The following ITPR2 variants were observed in gnomAD, a reference collection of about 807,000 sequenced individuals.
The protein encoded by ITPR2 is inositol 1,4,5-trisphosphate receptor type 2, also known as inositol 1,4,5-trisphosphate-gated calcium channel ITPR2.
In ITPR2, 207 loss-of-function variants were observed where a neutral mutation model predicts 317.1. That is an observed-to-expected ratio of 0.65 (90% CI 0.58 to 0.73). ITPR2 has a LOEUF of 0.73. Among genes scored for constraint, ITPR2 ranks in the 30% least tolerant of loss-of-function variants. The pLI is 0.00. For missense variants in ITPR2, 2,613 were observed against 3,284.0 expected (o/e 0.80, Z 4.99); for synonymous variants, 1,156 against 1,149.1 (o/e 1.01, Z -0.12).
chr12:26,570,030 GA>G (rs1293080684), intron 34 of ITPR2, among the ~76,000 whole-genome samples: 2 of 152,188 alleles, frequency 1.3e-5, no homozygotes, highest in Non-Finnish European at 2.9e-5. Flanking sequence ...TGCAGCCAAA[GA>G]GAAGAATGAG....
rs1281683856 is a variant in ITPR2, at chr12:26,715,813, G to A, written c.647C>T (p.Thr216Ile). ...CATGAATAAAGTGATTTTCCAGCTG[G>A]TGTTGCAATTGACAGCATTCACCTA... ...CKEVNAVNCN[T>I]SWKITLFMKY... is the part of the protein sequence containing the mutation. Residue 216 changes from threonine (T) to isoleucine (I), a missense_variant, in exon 7 of 57, where the codon ACC (threonine) becomes ATC (isoleucine). This residue lies in a region of ITPR2 where 515 missense variants were observed against 789.4 expected (regional missense o/e 0.65). Coordinates refer to ENST00000381340, the MANE Select transcript of ITPR2 (RefSeq NM_002223.4). The A allele has an allele frequency of 3.7e-6, 6 of 1,609,946 alleles. No individual in the cohort carries two copies. Among genetic ancestry groups the A allele is most frequent in the Non-Finnish European group, 5.1e-6 (6 of 1,176,770 alleles).
intron 3 of ITPR2, among the ~76,000 whole-genome samples, chr12:26,725,103 G>C (rs747077113): frequency 2.6e-5 from 4 of 152,130 alleles, no homozygotes; most frequent in Non-Finnish European, 5.9e-5. Flanking sequence ...TTTCAGAAAA[G>C]TACTAGGCTC....
At chr12:26,527,811 C>T (rs1943846722) in intron 37 of ITPR2, among the ~76,000 whole-genome samples, 1 of 152,180 alleles carries the variant, frequency 6.6e-6, no homozygotes, top group Admixed American at 6.5e-5. Flanking sequence ...CAATTTACTA[C>T]GTAATGAGAT....
chr12:26,833,074 T>A lies in ITPR2; in HGVS notation c.-293A>T, dbSNP rs1352993257. On this transcript the variant is annotated 5_prime_UTR_variant, in exon 1 of 57. Transcript: ENST00000381340. Reference sequence around the variant, plus strand: ...CCCCGGCAGGTTTCCTGTTCCTTTCTGAAGTTTTCTCTCCAACACCTTTGC... The same window carrying A: ...CCCCGGCAGGTTTCCTGTTCCTTTCAGAAGTTTTCTCTCCAACACCTTTGC... 3 of 395,788 alleles carry A rather than the reference T, an allele frequency of 7.6e-6. No homozygotes were observed. The highest frequency in any genetic ancestry group is 1.3e-5 in the Non-Finnish European group (3 of 223,412). 24.5% of individuals were successfully genotyped at this position (395,788 alleles called of 1,614,324 possible). A position where few individuals can be genotyped will look rare whatever the true frequency, so the allele number is the denominator to read the frequency against.
chr12:26,698,498 C>T (rs986080060), intron 9 of ITPR2, among the ~76,000 whole-genome samples: 6 of 152,032 alleles, frequency 3.9e-5, no homozygotes, highest in Admixed American at 1.3e-4. Context: ...ATGAAATAAA[C>T]GAACAAACAA....
At chr12:26,674,402 A>G (rs1196269118) in intron 13 of ITPR2, among the ~76,000 whole-genome samples, 1 of 152,206 alleles carries the variant, frequency 6.6e-6, no homozygotes, top group Non-Finnish European at 1.5e-5. Flanking sequence ...CATATCTACA[A>G]CTATCTGATC....
At chr12:26,621,826 G>GA (rs962962648) in intron 25 of ITPR2, among the ~76,000 whole-genome samples, 6 of 152,070 alleles carry the variant, frequency 3.9e-5, no homozygotes, top group Admixed American at 3.3e-4. Flanking sequence ...AGACCACAAA[G>GA]AAAAAGATTA....
intron 54 of ITPR2, among the ~76,000 whole-genome samples, chr12:26,389,198 C>T (rs1223828573): frequency 6.6e-6 from 1 of 152,132 alleles, no homozygotes; most frequent in African/African-American, 2.4e-5. Context: ...CCTTTAAAAA[C>T]CTAAGAGAAA....
intron 37 of ITPR2, among the ~76,000 whole-genome samples, chr12:26,530,160 T>C (rs530594094): frequency 6.6e-6 from 1 of 152,290 alleles, no homozygotes; most frequent in South Asian, 2.1e-4. Flanking sequence ...ATTTAACAGA[T>C]GATGCAGGTT....
intron 1 of ITPR2, among the ~76,000 whole-genome samples, chr12:26,791,176 C>G (rs568345917): frequency 6.6e-6 from 1 of 152,240 alleles, no homozygotes; most frequent in Admixed American, 6.5e-5. Flanking sequence ...AATCTCTGAA[C>G]CGAGAGCCAG....
chr12:26,788,914 T>C (rs554769190), intron 2 of ITPR2, among the ~76,000 whole-genome samples: 2 of 152,332 alleles, frequency 1.3e-5, no homozygotes, highest in South Asian at 2.1e-4. Context: ...TACCCTCTTA[T>C]CTTTTGGGTC....
chr12:26,722,962 C>T (rs181325830), intron 4 of ITPR2, among the ~76,000 whole-genome samples: 35 of 152,260 alleles, frequency 2.3e-4, no homozygotes, highest in African/African-American at 7.7e-4. Context: ...AATGCACCAA[C>T]CCACTTACTA....
chr12:26,407,766 T>G (rs770806873), intron 52 of ITPR2, among the ~76,000 whole-genome samples: 1 of 152,206 alleles, frequency 6.6e-6, no homozygotes, highest in African/African-American at 2.4e-5. Flanking sequence ...GGCAACTTAT[T>G]TAATGCCTCT....
intron 37 of ITPR2, among the ~76,000 whole-genome samples, chr12:26,537,035 AG>A (rs1472431809): frequency 2.0e-5 from 3 of 152,210 alleles, no homozygotes; most frequent in Non-Finnish European, 4.4e-5. Flanking sequence ...CTTGGGGGCC[AG>A]GGAGTCTTCA....
At chr12:26,753,502 T>A (rs569499665) in intron 2 of ITPR2, among the ~76,000 whole-genome samples, 46 of 152,280 alleles carry the variant, frequency 3.0e-4, no homozygotes, top group African/African-American at 1.1e-3. Context: ...AACTTTTCAG[T>A]GTCACTGCAG....
At chr12:26,457,520 C>T (rs1019834777) in intron 45 of ITPR2, among the ~76,000 whole-genome samples, 2 of 152,210 alleles carry the variant, frequency 1.3e-5, no homozygotes, top group Non-Finnish European at 2.9e-5. Context: ...ATTGTTGCTA[C>T]TGTGTTAGAG....
chr12:26,584,346 C>T (rs1292427559), intron 32 of ITPR2, among the ~76,000 whole-genome samples: 2 of 152,150 alleles, frequency 1.3e-5, no homozygotes, highest in African/African-American at 4.8e-5. Flanking sequence ...ATATATGCTC[C>T]TGGACACCAG....
intron 1 of ITPR2, among the ~76,000 whole-genome samples, chr12:26,811,994 T>C (rs2137268452): frequency 6.7e-6 from 1 of 150,100 alleles, no homozygotes; most frequent in South Asian, 2.1e-4. Context: ...AATCCCCATC[T>C]CTACTAAAAA....
chr12:26,766,197 T>C (rs1030933300), intron 2 of ITPR2, among the ~76,000 whole-genome samples: 13 of 152,154 alleles, frequency 8.5e-5, no homozygotes, highest in African/African-American at 3.1e-4. Context: ...CTGAGGAACT[T>C]CCAGATTGTT....
Sources: gnomAD v4.1 joint callset for allele counts (sites outside exome capture counted in the v4.1 genomes callset) on GRCh38, gnomAD v4.1.1 for gene constraint, gnomAD v4.1.1 regional missense constraint, MANE v1.5 for transcripts, NCBI Gene and HGNC (gene_info 2026-07-23, HGNC 2026-07-21) for gene names.